The following USP44 variants were observed in gnomAD, a reference collection of about 807,000 sequenced individuals.
USP44 encodes the protein ubiquitin carboxyl-terminal hydrolase 44.
USP44 carries 61 observed loss-of-function variants against 69.0 expected under a neutral mutation model. That is an observed-to-expected ratio of 0.88 (90% CI 0.72 to 1.09). USP44 has a LOEUF of 1.09. Among genes scored for constraint, USP44 ranks in the 50% least tolerant of loss-of-function variants. USP44 has a pLI of 0.00. For missense variants in USP44, 753 were observed against 849.9 expected (o/e 0.89, Z 1.42); for synonymous variants, 297 against 295.4 (o/e 1.01, Z -0.06).
At chr12:95,540,925 C>T (rs1468162831) in intron 1 of USP44, among the ~76,000 whole-genome samples, 1 of 152,086 alleles carries the variant, frequency 6.6e-6, no homozygotes, top group Non-Finnish European at 1.5e-5. Flanking sequence ...ATTCATTACA[C>T]AAAAATTGGG....
rs1445880233 is a variant in USP44, at chr12:95,524,788, G to A, written c.1625C>T (p.Ser542Leu). The A allele has an allele frequency of 8.2e-6, 13 of 1,591,890 alleles. No individual in the cohort carries two copies. Among genetic ancestry groups the A allele is most frequent in the African/African-American group, 1.4e-5 (1 of 73,494 alleles). Residue 542 changes from serine (S) to leucine (L), a missense_variant and splice_region_variant, in exon 4 of 6, where the codon TCA (serine) becomes TTA (leucine). Physicochemically the swap from Ser to Leu is moderately radical, Grantham distance 145. Transcript: ENST00000258499. ...TTTGGAGGAAAACCTTCTACGCTTT[G>A]CTGTAACATCAAAGAAAGAATAAAA... is the stretch of plus-strand genomic sequence containing the variant. ...GKIYVCDQCN[S>L]KRRRFSSKPV...
At chr12:95,540,164 C>T (rs1200051612) in intron 1 of USP44, among the ~76,000 whole-genome samples, 1 of 152,170 alleles carries the variant, frequency 6.6e-6, no homozygotes, top group Non-Finnish European at 1.5e-5. Flanking sequence ...AGACTTTACC[C>T]TTAGCCCTAA....
intron 5 of USP44, among the ~76,000 whole-genome samples, chr12:95,520,316 C>T (rs1479641495): frequency 2.0e-5 from 3 of 152,006 alleles, no homozygotes; most frequent in Non-Finnish European, 4.4e-5. Context: ...CATGGTGAAA[C>T]CCCGTCTCTA....
At chr12:95,524,569 T>C (rs2076772699) in intron 4 of USP44, 111 bp downstream of exon 4, 5 of 723,010 alleles carry the variant, frequency 6.9e-6, no homozygotes, top group Non-Finnish European at 1.1e-5. Flanking sequence ...TTAATTCATT[T>C]GTCAGAAAGG....
chr12:95,541,207 C>T (rs1043307457), intron 1 of USP44, among the ~76,000 whole-genome samples: 17 of 152,212 alleles, frequency 1.1e-4, no homozygotes, highest in African/African-American at 3.4e-4. Context: ...ACCTGGGAGA[C>T]GGAGGTTGCA....
intron 1 of USP44, among the ~76,000 whole-genome samples, chr12:95,536,730 C>T (rs986385832): frequency 8.5e-5 from 13 of 152,186 alleles, no homozygotes; most frequent in African/African-American, 2.9e-4. Context: ...TCTGTCCTTA[C>T]TGCCACCAAC....
Position 95,533,400 on chromosome 12 carries a change from G to C in USP44, c.857C>G (p.Ser286Cys). ...RNLGNTCYMN[S>C]VLQVLSHLLI... is the part of the protein sequence containing the mutation. The stretch of plus-strand genomic sequence containing the variant: ...TAAATGACTCAACACCTGAAGAACA[G>C]AATTCATATAGCAAGTATTTCCCAA... Residue 286 changes from serine to cysteine, a missense_variant, in exon 2 of 6, where the codon TCT becomes TGT. Ser to Cys is a moderately radical substitution (Grantham distance 112, BLOSUM62 -1). Coordinates refer to ENST00000258499, the MANE Select transcript of USP44 (RefSeq NM_032147.5). 1 of 1,613,676 alleles carries C rather than the reference G, an allele frequency of 6.2e-7. No homozygotes were observed. Among genetic ancestry groups the C allele is most frequent in the Non-Finnish European group, 8.5e-7 (1 of 1,179,734 alleles).
rs903495976 is a variant in USP44 at position 95,516,603 on chromosome 12, G to A, written c.*1551C>T. 6.6e-6 allele frequency: 1 copy of A among 152,162 alleles called. No individual in the cohort carries two copies. The highest frequency in any genetic ancestry group is 1.5e-5 in the Non-Finnish European group (1 of 68,032). The allele number at this position is 152,162 out of a possible 1,614,324, so 9.4% of individuals were successfully genotyped here. A position where few individuals can be genotyped will look rare whatever the true frequency, so the allele number is the denominator to read the frequency against. On this transcript the variant is annotated 3_prime_UTR_variant, in exon 6 of 6. Coordinates refer to ENST00000258499, the MANE Select transcript of USP44 (RefSeq NM_032147.5). ...TTTTTAATGAGGTATTAAGAAGTGTGTAACAGTTGAGGTAACAACTTGCAT... is the reference window on the plus strand; with the variant it reads ...TTTTTAATGAGGTATTAAGAAGTGTATAACAGTTGAGGTAACAACTTGCAT...
At chr12:95,549,580 C>G (rs925992550) in intron 1 of USP44, among the ~76,000 whole-genome samples, 1 of 152,166 alleles carries the variant, frequency 6.6e-6, no homozygotes, top group Non-Finnish European at 1.5e-5. Context: ...CAAAGCAGTT[C>G]TACTTTGGCC....
chr12:95,551,210 AAAAAG>A (rs1339198346), intron 1 of USP44, 57 bp downstream of exon 1: 2 of 152,110 alleles, frequency 1.3e-5, no homozygotes. Flanking sequence ...TAACATTAAA[AAAAAG>A]AAAAGAAAAA....
At chr12:95,547,674 C>T (rs2077616545) in intron 1 of USP44, among the ~76,000 whole-genome samples, 1 of 152,162 alleles carries the variant, frequency 6.6e-6, no homozygotes, top group African/African-American at 2.4e-5. Flanking sequence ...TACTTTCACC[C>T]CCACAGGCAG....
intron 2 of USP44, among the ~76,000 whole-genome samples, chr12:95,531,974 G>A (rs1372896336): frequency 6.6e-6 from 1 of 152,074 alleles, no homozygotes; most frequent in African/African-American, 2.4e-5. Context: ...GGAAACTTTT[G>A]AGTAGTAATT....
At chr12:95,543,330 G>A (rs2077453673) in intron 1 of USP44, among the ~76,000 whole-genome samples, 1 of 150,654 alleles carries the variant, frequency 6.6e-6, no homozygotes, top group African/African-American at 2.4e-5. Context: ...GAACCTGGGA[G>A]GCGGTGGTGG....
Position 95,533,848 on chromosome 12 carries a change from G to A in USP44, c.409C>T (p.Gln137Ter). 6.2e-7 allele frequency: 1 copy of A among 1,614,098 alleles called. No homozygotes were observed. Among genetic ancestry groups the A allele is most frequent in the Non-Finnish European group, 8.5e-7 (1 of 1,180,036 alleles). Residue 137 changes from glutamine to a stop codon, truncating the protein, a stop_gained, in exon 2 of 6, where the codon CAA becomes TAA. Transcript: ENST00000258499. LOFTEE classifies it high-confidence loss of function. ...DDSYFLHDGA[Q>*]SLLQSEDQLY... ...TGATCTTCACTTTGAAGCAGAGATT[G>A]GGCACCGTCATGTAAGAAATAAGAA...
intron 1 of USP44, among the ~76,000 whole-genome samples, chr12:95,546,093 A>G (rs958336022): frequency 1.3e-5 from 2 of 152,162 alleles, no homozygotes; most frequent in African/African-American, 4.8e-5. Flanking sequence ...CCCCATCCCT[A>G]CTTAACAAGT....
rs1215568656 is a variant in USP44, at chr12:95,521,069, C to T, written c.1867G>A (p.Ala623Thr). The change falls in exon 5 of 6, where the codon GCG becomes ACG. Residue 623 changes from alanine to threonine, a missense_variant. Transcript: ENST00000258499. Reference sequence around the variant, plus strand: ...CCTTTCCCATGGTGCATCACCACCGCGGACAAGTCATAGATAAAGCATTCT... The same window carrying T: ...CCTTTCCCATGGTGCATCACCACCGTGGACAAGTCATAGATAAAGCATTCT... ...RPECFIYDLS[A>T]VVMHHGKGFG... 6.8e-6 allele frequency: 11 copies of T among 1,614,194 alleles called. No individual in the cohort carries two copies. The highest frequency in any genetic ancestry group is 1.7e-5 in the Admixed American group (1 of 60,018).
Position 95,534,296 on chromosome 12 carries a change from C to A in USP44, c.-40G>T. 1 of 1,555,290 alleles carries A rather than the reference C, an allele frequency of 6.4e-7. No individual in the cohort carries two copies. The highest frequency in any genetic ancestry group is 1.2e-5 in the South Asian group (1 of 83,296). On this transcript the variant is annotated 5_prime_UTR_variant, in exon 2 of 6. Transcript: ENST00000258499. Reference sequence around the variant, plus strand: ...TGAGAAATGCATAATCCAAACAAGTCTCTGTTCACAACACTTGAAGCATCT... The same window carrying A: ...TGAGAAATGCATAATCCAAACAAGTATCTGTTCACAACACTTGAAGCATCT...
intron 1 of USP44, among the ~76,000 whole-genome samples, chr12:95,539,400 G>A (rs971235823): frequency 1.3e-5 from 2 of 151,890 alleles, no homozygotes; most frequent in Non-Finnish European, 2.9e-5. Context: ...TAATTTTTCT[G>A]TATTTGTAAT....
rs1368713589 is a variant in USP44, at chr12:95,533,795, T to C, written c.462A>G (p.Arg154=). 1.2e-6 allele frequency: 2 copies of C among 1,613,964 alleles called. No homozygotes were observed. Among genetic ancestry groups the C allele is most frequent in the Admixed American group, 3.3e-5 (2 of 59,984 alleles). The change falls in exon 2 of 6, where the codon AGA becomes AGG. Residue 154 remains arginine (R), a synonymous_variant. Coordinates refer to ENST00000258499, the MANE Select transcript of USP44 (RefSeq NM_032147.5). The part of the protein sequence containing the change: ...DQLYTALWHR[R]RILMGKIFRT... ...GAAAGATTTTACCCATTAGTATCCTTCTCCTGTGCCAAAGAGCAGTATACA... is the reference window on the plus strand; with the variant it reads ...GAAAGATTTTACCCATTAGTATCCTCCTCCTGTGCCAAAGAGCAGTATACA...
Sources: allele counts gnomAD v4.1 joint callset (sites outside exome capture counted in the v4.1 genomes callset), GRCh38; gene constraint gnomAD v4.1.1; transcripts MANE v1.5; gene names NCBI Gene and HGNC (gene_info 2026-07-23, HGNC 2026-07-21).